The following SIK3 variants were observed in gnomAD, a reference collection of about 807,000 sequenced individuals.
SIK3 encodes SIK family kinase 3.
Under a neutral mutation model 144.2 loss-of-function variants are expected in SIK3, and 28 were observed. The ratio of observed to expected loss-of-function variants is 0.19; its 90% CI spans 0.14 to 0.27. The LOEUF is 0.27. SIK3 is among the 10% of genes least tolerant of loss of function. The pLI, the probability that SIK3 is intolerant of heterozygous loss-of-function variation, is 1.00. For missense variants in SIK3, 1,319 were observed against 1,776.0 expected (o/e 0.74, Z 4.62); for synonymous variants, 686 against 676.3 (o/e 1.01, Z -0.22).
At chr11:116,878,684 A>C (rs1055400194) in intron 6 of SIK3, among the ~76,000 whole-genome samples, 1 of 151,938 alleles carries the variant, frequency 6.6e-6, no homozygotes, top group African/African-American at 2.4e-5. Flanking sequence ...TTGGCCCCCT[A>C]CTTCCCTCTC....
chr11:117,098,097 C>T (rs1336822394), intron 1 of SIK3, 46 bp downstream of exon 1: 1 of 1,377,088 alleles, frequency 7.3e-7, no homozygotes, highest in African/African-American at 1.5e-5. Context: ...CGGACCTCTC[C>T]CGGCCCCGCC....
At chr11:117,053,242 CAGG>C (rs1337485029) in intron 1 of SIK3, among the ~76,000 whole-genome samples, 1 of 151,184 alleles carries the variant, frequency 6.6e-6, no homozygotes, top group Non-Finnish European at 1.5e-5. Flanking sequence ...GAGGCTGAAG[CAGG>C]AGAATTGCTT....
intron 4 of SIK3, among the ~76,000 whole-genome samples, chr11:116,926,411 G>A (rs892096890): frequency 4.6e-5 from 7 of 152,258 alleles, no homozygotes; most frequent in Admixed American, 1.3e-4. Flanking sequence ...GTGCTCTCAA[G>A]GCACTGTCAG....
Position 116,927,210 on chromosome 11 carries a change from A to G in SIK3, c.616+9T>C. ...TGTCCCTATCTGACATCCTCAGTACAGTTCTCACCTGCTATTTTGATATTC... is the reference window on the plus strand; with the variant it reads ...TGTCCCTATCTGACATCCTCAGTACGGTTCTCACCTGCTATTTTGATATTC... On this transcript the variant is annotated intron_variant, in intron 4 of 24. Coordinates refer to ENST00000445177, the MANE Select transcript of SIK3 (RefSeq NM_001366686.3). The G allele has an allele frequency of 6.2e-7, 1 of 1,611,576 alleles. No individual in the cohort carries two copies. The highest frequency in any genetic ancestry group is 8.5e-7 in the Non-Finnish European group (1 of 1,178,180).
chr11:116,892,171 C>T (rs1945161078), intron 6 of SIK3, among the ~76,000 whole-genome samples: 2 of 152,062 alleles, frequency 1.3e-5, no homozygotes, highest in Non-Finnish European at 1.5e-5. Context: ...CCACAGTGAT[C>T]AGTGAAGCTA....
At position 116,992,315 on chromosome 11, in the gene SIK3, A is replaced by ACC. The variant is rs201865103; in HGVS notation, c.274-35253_274-35252dup. ...ACTCCAGCCTGGGCAACAGAGCAAG[A>ACC]CCCCCCCCCCCAAAAAAAAACACCT... On this transcript the variant is annotated intron_variant, in intron 1 of 24. Coordinates refer to ENST00000445177, the MANE Select transcript of SIK3 (RefSeq NM_001366686.3). Among the ~76,000 whole-genome samples, 158 of 117,830 alleles carry ACC rather than the reference A, an allele frequency of 1.3e-3. 1 individual carries two copies. The highest frequency in any genetic ancestry group is 2.2e-3 in the South Asian group (8 of 3,682). The allele number at this position is 117,830 out of a possible 152,430, so 77.3% of individuals were successfully genotyped here.
At position 116,993,112 on chromosome 11, in the gene SIK3, C is replaced by T. The variant is rs1019475237; in HGVS notation, c.274-36048G>A. Among the ~76,000 whole-genome samples the T allele has an allele frequency of 1.6e-4, 24 of 152,248 alleles. No homozygotes were observed. The East Asian group carries it at 4.6e-3, about 29-fold the overall frequency. Reference sequence around the variant, plus strand: ...ATGTTGCCCAGATGGGTCTCAAACTCCTGGCCTGAGGTGATCCTCCCACAT... The same window carrying T: ...ATGTTGCCCAGATGGGTCTCAAACTTCTGGCCTGAGGTGATCCTCCCACAT... On this transcript the variant is annotated intron_variant, in intron 1 of 24. Transcript: ENST00000445177.
rs767096192 is a variant in SIK3 at position 116,876,407 on chromosome 11, A to T, written c.985-44T>A. On this transcript the variant is annotated intron_variant, in intron 7 of 24. Coordinates refer to ENST00000445177, the MANE Select transcript of SIK3 (RefSeq NM_001366686.3). ...GAAGCTGTCAACCCCCCAATTAACCACATCAAATGTGGCACAGCATATATA... is the reference window on the plus strand; with the variant it reads ...GAAGCTGTCAACCCCCCAATTAACCTCATCAAATGTGGCACAGCATATATA... 2.7e-6 allele frequency: 4 copies of T among 1,464,094 alleles called. No homozygotes were observed. In the Admixed American group the frequency reaches 6.7e-5, roughly 24 times the overall value. The allele number at this position is 1,464,094 out of a possible 1,614,324, so 90.7% of individuals were successfully genotyped here.
intron 1 of SIK3, among the ~76,000 whole-genome samples, chr11:117,002,957 T>A (rs1950906921): frequency 6.6e-6 from 1 of 152,246 alleles, no homozygotes; most frequent in South Asian, 2.1e-4. Flanking sequence ...AGGTAGCCAG[T>A]ACTGATGAAG....
intron 19 of SIK3, among the ~76,000 whole-genome samples, chr11:116,860,123 T>C (rs1299644233): frequency 6.6e-6 from 1 of 151,916 alleles, no homozygotes; most frequent in Non-Finnish European, 1.5e-5. Flanking sequence ...CGGGCGCCTG[T>C]AATCCCAGCT....
At chr11:116,931,146 A>C (rs1483639103) in intron 3 of SIK3, among the ~76,000 whole-genome samples, 1 of 152,222 alleles carries the variant, frequency 6.6e-6, no homozygotes, top group Non-Finnish European at 1.5e-5. Context: ...AAATGAAAAG[A>C]AGTAAGTGAC....
chr11:117,012,828 T>C (rs10790170), intron 1 of SIK3, among the ~76,000 whole-genome samples: 1 of 127,848 alleles, frequency 7.8e-6, no homozygotes, highest in Non-Finnish European at 1.6e-5. Flanking sequence ...ATTCTTAGGG[T>C]TTTTTTTTTT....
At chr11:117,030,417 G>C (rs1952207118) in intron 1 of SIK3, among the ~76,000 whole-genome samples, 1 of 152,098 alleles carries the variant, frequency 6.6e-6, no homozygotes, top group Admixed American at 6.5e-5. Flanking sequence ...AAGATTATGA[G>C]CCATTTAAAA....
intron 3 of SIK3, among the ~76,000 whole-genome samples, chr11:116,950,604 A>G (rs1948888961): frequency 6.6e-6 from 1 of 152,224 alleles, no homozygotes; most frequent in Non-Finnish European, 1.5e-5. Context: ...GTTTAAAAGT[A>G]ACCAATACAC....
chr11:117,086,971 G>C lies in SIK3; in HGVS notation c.273+11172C>G, dbSNP rs1271547878. Among the ~76,000 whole-genome samples the C allele has an allele frequency of 2.1e-5, 3 of 140,302 alleles. No individual in the cohort carries two copies. In the East Asian group the frequency reaches 6.2e-4, roughly 29 times the overall value. 92.0% of individuals were successfully genotyped at this position (140,302 alleles called of 152,430 possible). Reference sequence around the variant, plus strand: ...GATCACGCCATTGTACTCCAGCCTGGACAACAGAGCGAGACTCCATCTCAA... The same window carrying C: ...GATCACGCCATTGTACTCCAGCCTGCACAACAGAGCGAGACTCCATCTCAA... On this transcript the variant is annotated intron_variant, in intron 1 of 24. Transcript: ENST00000445177.
At chr11:117,079,705 T>C (rs547075072) in intron 1 of SIK3, among the ~76,000 whole-genome samples, 27 of 151,840 alleles carry the variant, frequency 1.8e-4, no homozygotes, top group Non-Finnish European at 2.9e-4. Context: ...TAAATATTTT[T>C]ATATAATTAG....
chr11:116,992,797 A>C (rs925743067), intron 1 of SIK3, among the ~76,000 whole-genome samples: 4 of 152,320 alleles, frequency 2.6e-5, no homozygotes, highest in African/African-American at 9.6e-5. Flanking sequence ...CAGCCTAGGC[A>C]ACATGGAGGG....
In SIK3 at chr11:116,846,373, T is replaced by A; in HGVS notation, c.*13+10A>T. Reference sequence around the variant, plus strand: ...AGGGCTGGTTTGGCTCTGGCCAGGGTGACACTCACTCTCTGTTTCTTGTTA... The same window carrying A: ...AGGGCTGGTTTGGCTCTGGCCAGGGAGACACTCACTCTCTGTTTCTTGTTA... On this transcript the variant is annotated intron_variant, in intron 24 of 24. Transcript: ENST00000445177. The surrounding 1 kb of genome is among the most constrained non-coding windows in gnomAD (Gnocchi z 4.1). The A allele has an allele frequency of 6.2e-7, 1 of 1,612,394 alleles. No individual in the cohort carries two copies. Among genetic ancestry groups the A allele is most frequent in the Non-Finnish European group, 8.5e-7 (1 of 1,179,258 alleles).
chr11:116,894,858 G>C (rs1448513482), intron 6 of SIK3, among the ~76,000 whole-genome samples: 1 of 152,144 alleles, frequency 6.6e-6, no homozygotes, highest in Non-Finnish European at 1.5e-5. Context: ...CTGGACTATT[G>C]TAAAAGTCTC....
Sources: allele counts gnomAD v4.1 joint callset (sites outside exome capture counted in the v4.1 genomes callset), GRCh38; gene constraint gnomAD v4.1.1; non-coding constraint Gnocchi (gnomAD v3.1); transcripts MANE v1.5; gene names NCBI Gene and HGNC (gene_info 2026-07-23, HGNC 2026-07-21).